The following MAD1L1 variants were observed in gnomAD, a reference collection of about 807,000 sequenced individuals.
MAD1L1 encodes mitotic spindle assembly checkpoint protein MAD1.
In MAD1L1, 95 loss-of-function variants were observed where a neutral mutation model predicts 96.9. That is an observed-to-expected ratio of 0.98 (90% confidence interval 0.83 to 1.16). The LOEUF (loss-of-function observed/expected upper bound fraction) is 1.16. MAD1L1 is among the 50% of genes most tolerant of loss of function. The pLI, the probability that MAD1L1 is intolerant of heterozygous loss-of-function variation, is 0.00. For synonymous variants in MAD1L1, 473 were observed against 396.6 expected, an observed-to-expected ratio of 1.19 and a Z score of -2.29; for missense variants, 1,007 against 954.4, an observed-to-expected ratio of 1.06 and a Z score of -0.73.
chr7:2,015,202 G>T (rs1289368005), intron 12 of MAD1L1, among the ~76,000 whole-genome samples: 2 of 152,212 alleles, frequency 1.3e-5, no homozygotes, highest in Non-Finnish European at 2.9e-5. Flanking sequence ...GCGTTCCAAT[G>T]GGACAGGAAA....
At chr7:1,834,968 C>G (rs1334566736) in intron 18 of MAD1L1, among the ~76,000 whole-genome samples, 4 of 152,118 alleles carry the variant, frequency 2.6e-5, no homozygotes, top group African/African-American at 9.7e-5. Context: ...TGTAGTATGA[C>G]TAAGTGGGGT....
intron 15 of MAD1L1, among the ~76,000 whole-genome samples, chr7:1,977,883 G>C (rs1190720229): frequency 5.9e-5 from 9 of 152,242 alleles, no homozygotes; most frequent in Non-Finnish European, 1.3e-4. Flanking sequence ...AACCTTCACA[G>C]ATGCTGGAAG....
At chr7:2,031,461 T>C (rs921528771) in intron 12 of MAD1L1, among the ~76,000 whole-genome samples, 1 of 152,250 alleles carries the variant, frequency 6.6e-6, no homozygotes, top group Non-Finnish European at 1.5e-5. Context: ...GTGGAATCAA[T>C]TATGATTTCC....
chr7:2,018,274 G>T (rs1250132550), intron 12 of MAD1L1, among the ~76,000 whole-genome samples: 1 of 152,204 alleles, frequency 6.6e-6, no homozygotes, highest in Admixed American at 6.5e-5. Flanking sequence ...CACAGGAGAG[G>T]GCAGAGAACG....
At chr7:2,154,093 T>C (rs1027749167) in intron 10 of MAD1L1, among the ~76,000 whole-genome samples, 4 of 151,684 alleles carry the variant, frequency 2.6e-5, no homozygotes, top group African/African-American at 9.7e-5. Flanking sequence ...GAGTCAGAGG[T>C]TGTAGTGAGC....
chr7:2,023,582 A>G (rs1035758223), intron 12 of MAD1L1, among the ~76,000 whole-genome samples: 2 of 152,220 alleles, frequency 1.3e-5, no homozygotes, highest in African/African-American at 2.4e-5. Context: ...AAAAAGAAGG[A>G]TCTAAAATCA....
chr7:1,823,131 A>G lies in MAD1L1; in HGVS notation c.1999-6903T>C, dbSNP rs186038433. 7.0e-4 allele frequency among the ~76,000 whole-genome samples: 106 copies of G among 152,224 alleles called. 1 individual carries two copies. The highest frequency in any genetic ancestry group is 1.2e-3 in the Non-Finnish European group (82 of 68,002). On this transcript the variant is annotated intron_variant, in intron 18 of 18. Coordinates refer to ENST00000265854, the MANE Select transcript of MAD1L1 (RefSeq NM_001013836.2). The stretch of plus-strand genomic sequence containing the variant: ...TTAATCGATACGGAAAAGTCACAGA[A>G]AAGTCACAAAGGCGCTTCAGTGGAG...
At chr7:1,894,978 A>G (rs1247673989) in intron 18 of MAD1L1, among the ~76,000 whole-genome samples, 1 of 152,192 alleles carries the variant, frequency 6.6e-6, no homozygotes, top group African/African-American at 2.4e-5. Flanking sequence ...CAACGAACCC[A>G]ACAGGATAAA....
At chr7:1,876,879 C>T (rs1035773734) in intron 18 of MAD1L1, among the ~76,000 whole-genome samples, 2 of 135,308 alleles carry the variant, frequency 1.5e-5, no homozygotes, top group African/African-American at 2.6e-5. Flanking sequence ...GTAGAATTAG[C>T]GAGGCAGCAT....
At chr7:2,149,055 A>C in intron 11 of MAD1L1, 97 bp downstream of exon 11, 1 of 1,040,678 alleles carries the variant, frequency 9.6e-7, no homozygotes, top group Non-Finnish European at 1.5e-6. Flanking sequence ...GATGAAGGAC[A>C]GCCATCCCCC....
chr7:2,124,290 G>A (rs1315648870), intron 11 of MAD1L1, among the ~76,000 whole-genome samples: 2 of 152,192 alleles, frequency 1.3e-5, no homozygotes, highest in Non-Finnish European at 2.9e-5. Context: ...AGGGGCACGA[G>A]GGCTCCAAAG....
chr7:1,917,855 T>C (rs953207933), intron 17 of MAD1L1, among the ~76,000 whole-genome samples: 2 of 152,086 alleles, frequency 1.3e-5, no homozygotes, highest in African/African-American at 4.8e-5. Context: ...TTCTTACCTA[T>C]CTCTGGTTCC....
At chr7:1,903,597 G>A (rs1787415072) in intron 17 of MAD1L1, among the ~76,000 whole-genome samples, 1 of 143,682 alleles carries the variant, frequency 7.0e-6, no homozygotes, top group Non-Finnish European at 1.5e-5. Flanking sequence ...AGCACGCAGT[G>A]GCCTATTGAA....
At chr7:2,118,448 G>C (rs568801472) in intron 11 of MAD1L1, among the ~76,000 whole-genome samples, 1 of 152,250 alleles carries the variant, frequency 6.6e-6, no homozygotes, top group Non-Finnish European at 1.5e-5. Flanking sequence ...TCAGAGCCAC[G>C]GGAGCTTGGC....
chr7:2,144,840 T>C (rs1044063509), intron 11 of MAD1L1, among the ~76,000 whole-genome samples: 2 of 152,132 alleles, frequency 1.3e-5, no homozygotes, highest in Non-Finnish European at 2.9e-5. Flanking sequence ...GAAACGAGGC[T>C]TGAGCGTAAA....
At chr7:1,904,431 T>C (rs1452834500) in intron 17 of MAD1L1, among the ~76,000 whole-genome samples, 4 of 139,848 alleles carry the variant, frequency 2.9e-5, no homozygotes, top group African/African-American at 9.1e-5. Flanking sequence ...CAGTGGCCTA[T>C]GAAAGATGCT....
At chr7:2,162,450 C>T (rs1403413393) in intron 10 of MAD1L1, among the ~76,000 whole-genome samples, 3 of 151,562 alleles carry the variant, frequency 2.0e-5, no homozygotes, top group East Asian at 1.9e-4. Context: ...ACAAACACTG[C>T]GGAAGGCCGC....
At chr7:1,825,564 C>T (rs1305253839) in intron 18 of MAD1L1, among the ~76,000 whole-genome samples, 1 of 152,256 alleles carries the variant, frequency 6.6e-6, no homozygotes, top group South Asian at 2.1e-4. Flanking sequence ...GCGGCCAGGG[C>T]ACCCAGGTTG....
chr7:2,008,018 G>C (rs1312402563), intron 13 of MAD1L1, among the ~76,000 whole-genome samples: 3 of 152,242 alleles, frequency 2.0e-5, no homozygotes, highest in African/African-American at 7.2e-5. Flanking sequence ...CAAAACAACA[G>C]TCACAGGCCC....
Sources: gnomAD v4.1 joint callset for allele counts (sites outside exome capture counted in the v4.1 genomes callset) on GRCh38, gnomAD v4.1.1 for gene constraint, MANE v1.5 for transcripts, NCBI Gene and HGNC (gene_info 2026-07-23, HGNC 2026-07-21) for gene names.